Variants in HS6ST2 observed in about 807,000 individuals in gnomAD.
HS6ST2 encodes the protein heparan sulfate 6-O-sulfotransferase 2, also known as heparan-sulfate 6-O-sulfotransferase 2.
Under a neutral mutation model 33.0 loss-of-function variants are expected in HS6ST2, and 17 were observed. That is an observed-to-expected ratio of 0.52 (90% CI 0.35 to 0.77). HS6ST2 has a LOEUF of 0.77. HS6ST2 is among the 30% of genes least tolerant of loss of function. HS6ST2 has a pLI of 0.01. For synonymous variants in HS6ST2, 248 were observed against 237.1 expected (o/e 1.05, Z -0.42); for missense variants, 519 against 551.7 (o/e 0.94, Z 0.59).
chrX:132,739,909 C>T lies in HS6ST2; in HGVS notation c.948-31415G>A, dbSNP rs749521131. Among the ~76,000 whole-genome samples, 19 of 111,469 alleles carry T rather than the reference C, an allele frequency of 1.7e-4. No homozygotes were observed. In the East Asian group the frequency reaches 4.8e-3, roughly 28 times the overall value. On this transcript the variant is annotated intron_variant, in intron 2 of 4. Transcript: ENST00000370833. Reference sequence around the variant, plus strand: ...TATGATTATGCCTTAGTTTAAGAAACACTTTTTAGACATTCAGAGTCTTGT... The same window carrying T: ...TATGATTATGCCTTAGTTTAAGAAATACTTTTTAGACATTCAGAGTCTTGT...
chrX:132,865,182 G>A (rs1388530393), intron 2 of HS6ST2, among the ~76,000 whole-genome samples: 4 of 92,182 alleles, frequency 4.3e-5, no homozygotes, highest in African/African-American at 1.7e-4. Context: ...CTGTGTCCAC[G>A]TGATCTCATT....
chrX:132,935,531 T>C (rs1262763266), intron 2 of HS6ST2, among the ~76,000 whole-genome samples: 1 of 111,915 alleles, frequency 8.9e-6, no homozygotes, highest in Non-Finnish European at 1.9e-5. Context: ...AGTCAGCTAA[T>C]TTTTTGTATT....
At chrX:132,739,755 T>C (rs1031888851) in intron 2 of HS6ST2, among the ~76,000 whole-genome samples, 1 of 109,543 alleles carries the variant, frequency 9.1e-6, no homozygotes, top group Admixed American at 9.8e-5. Flanking sequence ...AGAGGAGATA[T>C]GATTAGTTTT....
chrX:132,874,198 A>G (rs755367000), intron 2 of HS6ST2, among the ~76,000 whole-genome samples: 1 of 112,263 alleles, frequency 8.9e-6, no homozygotes, highest in African/African-American at 3.2e-5. Context: ...AACTTGCAAG[A>G]AGAATTTGGC....
At chrX:132,757,751 C>T (rs1000865412) in intron 2 of HS6ST2, among the ~76,000 whole-genome samples, 3 of 111,931 alleles carry the variant, frequency 2.7e-5, no homozygotes, top group African/African-American at 9.7e-5. Flanking sequence ...AAACACAGGC[C>T]AGGGGCCAAA....
rs762126959 is a variant in HS6ST2, at chrX:132,865,588, T to C, written c.947+91220A>G. ...ACAATGGTTGAACTAGTTTACAGTC[T>C]CACCAACAGTGTAAAAGTGTTCCTA... On this transcript the variant is annotated intron_variant, in intron 2 of 4. Coordinates refer to ENST00000370833, the MANE Select transcript of HS6ST2 (RefSeq NM_001394073.1). Among the ~76,000 whole-genome samples the C allele has an allele frequency of 5.5e-3, 603 of 110,168 alleles. 4 individuals carry two copies. The highest frequency in any genetic ancestry group is 0.019 in the African/African-American group (565 of 30,353).
At chrX:132,786,235 C>G (rs1005649599) in intron 2 of HS6ST2, among the ~76,000 whole-genome samples, 1 of 111,891 alleles carries the variant, frequency 8.9e-6, no homozygotes, top group African/African-American at 3.2e-5. Context: ...CCCCTTTGAG[C>G]TGGATGACTA....
At chrX:132,711,958 A>G (rs747864396) in intron 2 of HS6ST2, among the ~76,000 whole-genome samples, 2 of 111,967 alleles carry the variant, frequency 1.8e-5, no homozygotes, top group South Asian at 7.6e-4. Flanking sequence ...TGGCTGTTCA[A>G]CAGCAGAGAC....
intron 2 of HS6ST2, among the ~76,000 whole-genome samples, chrX:132,766,777 T>G (rs1394217079): frequency 8.9e-6 from 1 of 112,209 alleles, no homozygotes; most frequent in African/African-American, 3.2e-5. Flanking sequence ...AATGAAGTCT[T>G]GCTTCCATAC....
At chrX:132,886,415 C>A (rs1376227985) in intron 2 of HS6ST2, among the ~76,000 whole-genome samples, 1 of 110,681 alleles carries the variant, frequency 9.0e-6, no homozygotes, top group Non-Finnish European at 1.9e-5. Flanking sequence ...AGAAAAAGGA[C>A]TGAATAAAAA....
intron 2 of HS6ST2, among the ~76,000 whole-genome samples, chrX:132,815,372 A>G (rs920251024): frequency 2.7e-5 from 3 of 111,915 alleles, no homozygotes; most frequent in Non-Finnish European, 5.6e-5. Flanking sequence ...TAAGGTAGTT[A>G]CAATTATTAT....
At chrX:132,688,959 A>G (rs1417374741) in intron 3 of HS6ST2, among the ~76,000 whole-genome samples, 1 of 112,067 alleles carries the variant, frequency 8.9e-6, no homozygotes, top group Non-Finnish European at 1.9e-5. Flanking sequence ...AATCAATGCA[A>G]AATATATCTT....
At chrX:132,828,371 C>A (rs773793781) in intron 2 of HS6ST2, among the ~76,000 whole-genome samples, 1 of 110,166 alleles carries the variant, frequency 9.1e-6, no homozygotes, top group East Asian at 2.9e-4. Flanking sequence ...CCTAAGGCAA[C>A]CTGGGCACAG....
intron 2 of HS6ST2, among the ~76,000 whole-genome samples, chrX:132,711,126 C>A (rs747205891): frequency 8.9e-6 from 1 of 111,894 alleles, no homozygotes; most frequent in Admixed American, 9.5e-5. Flanking sequence ...AGGCAACTGA[C>A]TAAGCATCCA....
At chrX:132,784,476 GT>G (rs956266436) in intron 2 of HS6ST2, among the ~76,000 whole-genome samples, 6 of 110,938 alleles carry the variant, frequency 5.4e-5, no homozygotes, top group African/African-American at 2.0e-4. Context: ...CGCCTGGCTA[GT>G]TTTTGTATTT....
At chrX:132,943,674 T>C (rs1344110908) in intron 2 of HS6ST2, among the ~76,000 whole-genome samples, 1 of 111,370 alleles carries the variant, frequency 9.0e-6, no homozygotes, top group East Asian at 2.8e-4. Context: ...TCAAGTGGGC[T>C]TCATCCCTGG....
At chrX:132,777,168 G>T (rs2064968632) in intron 2 of HS6ST2, among the ~76,000 whole-genome samples, 1 of 105,206 alleles carries the variant, frequency 9.5e-6, no homozygotes, top group South Asian at 4.6e-4. Flanking sequence ...CTACAACAAA[G>T]AATTATCTAG....
Position 132,779,501 on chromosome X carries a change from G to GT in HS6ST2, c.948-71008dup, listed in dbSNP as rs763319831. 3.5e-3 allele frequency among the ~76,000 whole-genome samples: 374 copies of GT among 106,577 alleles called. 2 individuals are homozygous for GT. Among genetic ancestry groups the GT allele is most frequent in the African/African-American group, 0.01 (307 of 29,414 alleles). The allele number at this position is 106,577 out of a possible 115,157, so 92.5% of individuals were successfully genotyped here. ...CTGAAATTGGATCAAAACCTCTATAGTTTTTTTTTTAGCTCATTAAGACAT... is the reference window on the plus strand; with the variant it reads ...CTGAAATTGGATCAAAACCTCTATAGTTTTTTTTTTTAGCTCATTAAGACAT... On this transcript the variant is annotated intron_variant, in intron 2 of 4. Transcript: ENST00000370833.
At chrX:132,733,907 G>T (rs1204449935) in intron 2 of HS6ST2, among the ~76,000 whole-genome samples, 1 of 107,692 alleles carries the variant, frequency 9.3e-6, no homozygotes, top group African/African-American at 3.4e-5. Flanking sequence ...CTAGCAAATG[G>T]TAGAGATGAG....
Sources: gnomAD v4.1 joint callset for allele counts (sites outside exome capture counted in the v4.1 genomes callset) on GRCh38, gnomAD v4.1.1 for gene constraint, MANE v1.5 for transcripts, NCBI Gene and HGNC (gene_info 2026-07-23, HGNC 2026-07-21) for gene names.